The following RPN1 variants were observed in gnomAD, a reference collection of about 807,000 sequenced individuals.
RPN1 encodes ribophorin I, also known as dolichyl-diphosphooligosaccharide--protein glycosyltransferase subunit 1.
A neutral mutation model predicts 55.5 loss-of-function variants in RPN1; 12 were observed. The ratio of observed to expected loss-of-function variants is 0.22; its 90% CI spans 0.14 to 0.35. The LOEUF (loss-of-function observed/expected upper bound fraction) is 0.35, where lower values mean the gene tolerates loss of function less well. Among genes scored for constraint, RPN1 ranks in the 10% least tolerant of loss-of-function variants. RPN1 has a pLI of 1.00. For synonymous variants in RPN1, 317 were observed against 305.9 expected (o/e 1.04, Z -0.38); for missense variants, 679 against 761.3 (o/e 0.89, Z 1.27).
intron 3 of RPN1, among the ~76,000 whole-genome samples, chr3:128,633,973 A>G (rs2069659548): frequency 6.6e-6 from 1 of 151,230 alleles, no homozygotes; most frequent in African/African-American, 2.4e-5. Context: ...ACAGAGCGAG[A>G]CTGTCTCTCA....
At position 128,622,394 on chromosome 3, in the gene RPN1, C is replaced by T. The variant is rs2069566829; in HGVS notation, c.1411G>A (p.Ala471Thr). The stretch of plus-strand genomic sequence containing the variant: ...GTGATGCAGGCTACCTTCATCCTGG[C>T]TTCTGCGGCTGGATCCTGAAGGAAG... Reference protein sequence around the residue: ...FSITKDPAAEARMKVACITEQ... With the variant: ...FSITKDPAAETRMKVACITEQ... The change falls in exon 9 of 10, where the codon GCC becomes ACC. Residue 471 changes from alanine to threonine, a missense_variant. Ala to Thr is a moderately conservative substitution (Grantham distance 58, BLOSUM62 0). This residue lies in a region of RPN1 where 306 missense variants were observed against 360.0 expected (regional missense o/e 0.85). Coordinates refer to ENST00000296255, the MANE Select transcript of RPN1 (RefSeq NM_002950.4). The T allele has an allele frequency of 6.2e-7, 1 of 1,614,062 alleles. No homozygotes were observed. The highest frequency in any genetic ancestry group is 1.3e-5 in the African/African-American group (1 of 74,936).
intron 1 of RPN1, 48 bp from the exon 2 acceptor site, chr3:128,645,031 A>G (rs1172192585): frequency 9.1e-7 from 1 of 1,104,296 alleles, no homozygotes; most frequent in Admixed American, 1.7e-5. Flanking sequence ...TGGCTTCTAA[A>G]TTTTGAGTCA....
chr3:128,625,495 G>C (rs758375330), intron 8 of RPN1, 39 bp downstream of exon 8: 51 of 1,613,694 alleles, frequency 3.2e-5, no homozygotes, highest in Non-Finnish European at 4.2e-5. Context: ...ATATTACCAA[G>C]GACACAAATG....
chr3:128,642,181 G>A (rs921959471), intron 2 of RPN1: 4 of 152,150 alleles, frequency 2.6e-5, no homozygotes, highest in Admixed American at 6.6e-5. Context: ...TTTTAATAGC[G>A]ACTTATTTAA....
intron 2 of RPN1, among the ~76,000 whole-genome samples, chr3:128,641,339 G>C (rs908784705): frequency 6.6e-6 from 1 of 152,078 alleles, no homozygotes; most frequent in African/African-American, 2.4e-5. Flanking sequence ...TGGGCTTTAA[G>C]GATAAAGCCC....
chr3:128,644,795 CAA>C (rs146448705), intron 2 of RPN1, 122 bp downstream of exon 2: 1 of 548,988 alleles, frequency 1.8e-6, no homozygotes. Context: ...CTCCTCTCTA[CAA>C]AAAAAAAACC....
At chr3:128,648,156 G>T (rs1022782241) in intron 1 of RPN1, among the ~76,000 whole-genome samples, 1 of 152,162 alleles carries the variant, frequency 6.6e-6, no homozygotes, top group East Asian at 1.9e-4. Context: ...CACTTTGGGA[G>T]GCCGAGGTGG....
At chr3:128,649,717 T>C (rs751404914) in intron 1 of RPN1, among the ~76,000 whole-genome samples, 36 of 152,198 alleles carry the variant, frequency 2.4e-4, no homozygotes, top group Non-Finnish European at 5.0e-4. Flanking sequence ...TGGTGATCAC[T>C]GAAATACCTG....
intron 3 of RPN1, 135 bp from the exon 4 acceptor site, chr3:128,632,292 A>G: frequency 4.3e-6 from 3 of 705,542 alleles, no homozygotes; most frequent in Non-Finnish European, 7.0e-6. Flanking sequence ...CGTATGCAAC[A>G]TTTTAAAATT....
At chr3:128,624,631 C>CCAGCTTCTTTGCCTGT (rs2069586085) in intron 8 of RPN1, among the ~76,000 whole-genome samples, 1 of 152,200 alleles carries the variant, frequency 6.6e-6, no homozygotes, top group Non-Finnish European at 1.5e-5. Flanking sequence ...ATGCCCTTCC[C>CCAGCTTCTTTGCCTGT]CACCTTCTTT....
chr3:128,643,308 C>T (rs2069741713), intron 2 of RPN1, among the ~76,000 whole-genome samples: 1 of 140,426 alleles, frequency 7.1e-6, no homozygotes, highest in African/African-American at 2.7e-5. Context: ...GTCTGGGCAA[C>T]AAGACCAAGA....
intron 1 of RPN1, among the ~76,000 whole-genome samples, chr3:128,647,793 GTTAC>G (rs1305751841): frequency 6.6e-6 from 1 of 151,662 alleles, no homozygotes; most frequent in Non-Finnish European, 1.5e-5. Flanking sequence ...GAAAAATATT[GTTAC>G]TTAATAAAAT....
At chr3:128,641,273 C>A (rs1347581124) in intron 2 of RPN1, 2 of 152,088 alleles carry the variant, frequency 1.3e-5, no homozygotes, top group Non-Finnish European at 2.9e-5. Flanking sequence ...GCACATATAA[C>A]TAGAAATGAA....
In RPN1 at chr3:128,629,850, G is replaced by A. The variant is rs142843798; in HGVS notation, c.1036+101C>T. On this transcript the variant is annotated intron_variant, in intron 5 of 9. Transcript: ENST00000296255. The stretch of plus-strand genomic sequence containing the variant: ...TGATAAAACCAGCCTTCCTCAGAAT[G>A]ACAAATGAACACACCCCATCTATAA... The A allele has an allele frequency of 2.9e-4, 189 of 647,188 alleles. 1 individual carries two copies. The African/African-American group carries it at 3.0e-3, about 10-fold the overall frequency. The allele number at this position is 647,188 out of a possible 1,614,324, so 40.1% of individuals were successfully genotyped here.
chr3:128,633,617 G>A (rs1467213991), intron 3 of RPN1, among the ~76,000 whole-genome samples: 1 of 152,112 alleles, frequency 6.6e-6, no homozygotes, highest in Non-Finnish European at 1.5e-5. Flanking sequence ...ATGCAGAGAT[G>A]TATATTATAA....
At chr3:128,635,305 TA>T (rs1268133600) in intron 3 of RPN1, among the ~76,000 whole-genome samples, 11 of 152,000 alleles carry the variant, frequency 7.2e-5, no homozygotes, top group South Asian at 6.2e-4. Flanking sequence ...AATTCTCTAT[TA>T]TTTTTTTTTT....
At position 128,625,555 on chromosome 3, in the gene RPN1, C is replaced by G; in HGVS notation, c.1374G>C (p.Arg458=). ...GTACCTTGGTGATGGAGAAGTCCAG[C>G]CGAACATAGATGATAACGGTGAAGA... ...ILFFTVIIYV[R]LDFSITKDPA... The change falls in exon 8 of 10, where the codon CGG becomes CGC. Residue 458 remains arginine, a synonymous_variant. Coordinates refer to ENST00000296255, the MANE Select transcript of RPN1 (RefSeq NM_002950.4). 6.2e-7 allele frequency: 1 copy of G among 1,613,978 alleles called. No individual in the cohort carries two copies. Among genetic ancestry groups the G allele is most frequent in the East Asian group, 2.2e-5 (1 of 44,844 alleles).
In RPN1 at chr3:128,631,290, A is replaced by G. The variant is rs543142444; in HGVS notation, c.843+658T>C. Among the ~76,000 whole-genome samples, 6 of 151,922 alleles carry G rather than the reference A, an allele frequency of 3.9e-5. No individual in the cohort carries two copies. In the South Asian group the frequency reaches 1.3e-3, roughly 32 times the overall value. On this transcript the variant is annotated intron_variant, in intron 4 of 9. Transcript: ENST00000296255. ...GGAGTTCGAGACCAGCCTGTCCAAC[A>G]TGGAGAAACCCTGTCTCTACTAAAA... is the stretch of plus-strand genomic sequence containing the variant.
chr3:128,625,564 G>A lies in RPN1; in HGVS notation c.1365C>T (p.Ile455=). The A allele has an allele frequency of 6.2e-7, 1 of 1,614,118 alleles. No individual in the cohort carries two copies. Among genetic ancestry groups the A allele is most frequent in the South Asian group, 1.1e-5 (1 of 91,088 alleles). The stretch of plus-strand genomic sequence containing the variant: ...TGATGGAGAAGTCCAGCCGAACATA[G>A]ATGATAACGGTGAAGAACAGGATGT... ...AFYILFFTVI[I]YVRLDFSITK... Residue 455 remains isoleucine (I), a synonymous_variant, in exon 8 of 10, where the codon ATC becomes ATT. Transcript: ENST00000296255.
Sources: gnomAD v4.1 joint callset for allele counts (sites outside exome capture counted in the v4.1 genomes callset) on GRCh38, gnomAD v4.1.1 for gene constraint, gnomAD v4.1.1 regional missense constraint, MANE v1.5 for transcripts, NCBI Gene and HGNC (gene_info 2026-07-23, HGNC 2026-07-21) for gene names.